Variants in UNC13C observed in about 807,000 individuals in gnomAD.
UNC13C encodes protein unc-13 homolog C.
A neutral mutation model predicts 245.4 loss-of-function variants in UNC13C; 174 were observed. The observed-to-expected ratio is 0.71, with a 90% CI of 0.63 to 0.80. The LOEUF (loss-of-function observed/expected upper bound fraction) is 0.80. Ranked by LOEUF, UNC13C falls within the 30% of genes least tolerant of loss-of-function variation. The pLI, the probability that UNC13C is intolerant of heterozygous loss-of-function variation, is 0.00. For synonymous variants in UNC13C, 992 were observed against 895.1 expected (o/e 1.11, Z -1.93); for missense variants, 2,829 against 2,602.9 (o/e 1.09, Z -1.89).
the UNC13C span, among the ~76,000 whole-genome samples, chr15:53,903,793 G>T: frequency 1.3e-5 from 2 of 151,680 alleles, no homozygotes; most frequent in African/African-American, 2.4e-5. Context: ...AACCTAATTT[G>T]CTGTGAATGA....
chr15:53,958,148 C>T, the UNC13C span, among the ~76,000 whole-genome samples: 14 of 152,214 alleles, frequency 9.2e-5, no homozygotes, highest in Middle Eastern at 6.8e-3. Flanking sequence ...TAATTTTAGA[C>T]GAAGTTTGTC....
chr15:54,560,038 A>T (rs538026559), intron 29 of UNC13C, among the ~76,000 whole-genome samples: 3 of 152,152 alleles, frequency 2.0e-5, no homozygotes, highest in Non-Finnish European at 2.9e-5. Flanking sequence ...ATAATTTTTT[A>T]AAATATCTGT....
At chr15:54,008,811 A>G (rs950374510) in intron 1 of UNC13C, among the ~76,000 whole-genome samples, 2 of 152,184 alleles carry the variant, frequency 1.3e-5, no homozygotes, top group Admixed American at 6.5e-5. Context: ...TGATTGTTTC[A>G]TAGACTCCAG....
chr15:54,234,890 C>G (rs2035648307), intron 4 of UNC13C, 140 bp from the exon 5 acceptor site: 2 of 692,670 alleles, frequency 2.9e-6, no homozygotes, highest in East Asian at 2.8e-5. Context: ...AAGCTTGTAT[C>G]TTTGCAGCTT....
At chr15:54,351,593 C>T (rs767859666) in intron 17 of UNC13C, among the ~76,000 whole-genome samples, 6 of 151,940 alleles carry the variant, frequency 3.9e-5, no homozygotes, top group Non-Finnish European at 7.4e-5. Flanking sequence ...TTACTGAATC[C>T]TTGGTAAAAC....
intron 4 of UNC13C, among the ~76,000 whole-genome samples, chr15:54,189,929 AAAACTTAG>A (rs1247992684): frequency 6.6e-6 from 1 of 152,190 alleles, no homozygotes; most frequent in Non-Finnish European, 1.5e-5. Context: ...AATTCAGGAA[AAAACTTAG>A]AAACATATTA....
chr15:54,303,009 A>G lies in UNC13C; in HGVS notation c.4268+2636A>G, dbSNP rs74015145. On this transcript the variant is annotated intron_variant, in intron 13 of 32. Coordinates refer to ENST00000260323, the MANE Select transcript of UNC13C (RefSeq NM_001080534.3). ...TCAGTACATAGAATGTCCTTATGCT[A>G]AATAATAAAGATATATAGATTCTTA... 9.2e-3 allele frequency among the ~76,000 whole-genome samples: 1,408 copies of G among 152,274 alleles called. 27 individuals carry two copies. Among genetic ancestry groups the G allele is most frequent in the African/African-American group, 0.032 (1,347 of 41,560 alleles).
intron 2 of UNC13C, among the ~76,000 whole-genome samples, chr15:54,057,079 C>T (rs551453787): frequency 6.6e-6 from 1 of 152,220 alleles, no homozygotes; most frequent in East Asian, 1.9e-4. Context: ...CAGCTAACAT[C>T]ATAATGACAG....
At chr15:54,546,377 C>G (rs28570166) in intron 26 of UNC13C, among the ~76,000 whole-genome samples, 30,748 of 151,868 alleles carry the variant, frequency 0.2, 5,743 homozygotes, top group African/African-American at 0.49. Context: ...TAGATGTCGG[C>G]TTGATGGGTG....
chr15:54,466,002 T>G (rs2141034237), intron 19 of UNC13C, among the ~76,000 whole-genome samples: 1 of 152,160 alleles, frequency 6.6e-6, no homozygotes, highest in East Asian at 1.9e-4. Flanking sequence ...GGAATATTAT[T>G]AAGCCATAAA....
chr15:54,518,901 G>T (rs1264640194), intron 24 of UNC13C, among the ~76,000 whole-genome samples: 3 of 152,130 alleles, frequency 2.0e-5, no homozygotes, highest in South Asian at 4.1e-4. Context: ...TCCCTACCCA[G>T]TCCATTTTCA....
intron 17 of UNC13C, 50 bp from the exon 18 acceptor site, chr15:54,392,998 G>A: frequency 6.8e-7 from 1 of 1,468,380 alleles, no homozygotes. Context: ...TCTAACTAAA[G>A]TCATCCCATT....
intron 13 of UNC13C, among the ~76,000 whole-genome samples, chr15:54,309,412 T>G (rs955399631): frequency 2.0e-5 from 3 of 151,924 alleles, no homozygotes; most frequent in Admixed American, 6.6e-5. Context: ...TAACGCTTTA[T>G]TAAATGTATA....
At chr15:54,591,192 A>G (rs1898768840) in intron 30 of UNC13C, among the ~76,000 whole-genome samples, 1 of 152,180 alleles carries the variant, frequency 6.6e-6, no homozygotes, top group South Asian at 2.1e-4. Context: ...GGATTCGGTT[A>G]GCAAGTATTT....
chr15:54,131,560 C>A (rs186046148), intron 2 of UNC13C, among the ~76,000 whole-genome samples: 1 of 152,174 alleles, frequency 6.6e-6, no homozygotes, highest in South Asian at 2.1e-4. Context: ...CTTCCCAGGA[C>A]GTGAGTCATC....
chr15:54,515,677 G>A (rs1027881902), intron 24 of UNC13C, among the ~76,000 whole-genome samples: 4 of 152,080 alleles, frequency 2.6e-5, no homozygotes, highest in African/African-American at 9.7e-5. Flanking sequence ...GTTTTAAATG[G>A]TAGAATCCAT....
At chr15:53,936,560 T>G in the UNC13C span, among the ~76,000 whole-genome samples, 1 of 152,194 alleles carries the variant, frequency 6.6e-6, no homozygotes, top group African/African-American at 2.4e-5. Flanking sequence ...CCTGGTCCCA[T>G]TCCTCCTGAC....
chr15:54,301,183 C>T (rs1446315253), intron 13 of UNC13C, among the ~76,000 whole-genome samples: 1 of 151,766 alleles, frequency 6.6e-6, no homozygotes, highest in Non-Finnish European at 1.5e-5. Context: ...ACAACAAGAT[C>T]TCATTTTCAT....
At chr15:54,422,714 T>C (rs917706558) in intron 19 of UNC13C, among the ~76,000 whole-genome samples, 14 of 151,836 alleles carry the variant, frequency 9.2e-5, no homozygotes, top group Non-Finnish European at 1.5e-5. Flanking sequence ...AAGTCTCATT[T>C]CATGGTCACC....
Sources: gnomAD v4.1 joint callset for allele counts (sites outside exome capture counted in the v4.1 genomes callset) on GRCh38, gnomAD v4.1.1 for gene constraint, MANE v1.5 for transcripts, NCBI Gene and HGNC (gene_info 2026-07-23, HGNC 2026-07-21) for gene names.